Variants in SLC10A7 observed in about 807,000 individuals in gnomAD.
The protein encoded by SLC10A7 is sodium/bile acid cotransporter 7.
Under a neutral mutation model 43.2 loss-of-function variants are expected in SLC10A7, and 29 were observed. The observed-to-expected ratio is 0.67, with a 90% CI of 0.50 to 0.92. The LOEUF is 0.92. Among genes scored for constraint, SLC10A7 ranks in the 40% least tolerant of loss-of-function variants. The probability of loss-of-function intolerance (pLI) is 0.00; values close to 1 mark genes in which losing one functional copy is unlikely to be tolerated. For missense variants in SLC10A7, 295 were observed against 403.2 expected (o/e 0.73, Z 2.30); for synonymous variants, 152 against 144.8 (o/e 1.05, Z -0.35).
intron 10 of SLC10A7, among the ~76,000 whole-genome samples, chr4:146,270,276 T>C (rs1381893089): frequency 6.6e-6 from 1 of 152,234 alleles, no homozygotes; most frequent in Non-Finnish European, 1.5e-5. Flanking sequence ...AAGTCACTTC[T>C]GAAAATAATT....
intron 5 of SLC10A7, among the ~76,000 whole-genome samples, chr4:146,348,384 C>T (rs1734776187): frequency 6.6e-6 from 1 of 152,158 alleles, no homozygotes; most frequent in Admixed American, 6.5e-5. Context: ...TTTAGTTTTA[C>T]ACATTGCTAC....
intron 5 of SLC10A7, among the ~76,000 whole-genome samples, chr4:146,376,163 A>G (rs1487070093): frequency 1.3e-5 from 2 of 152,116 alleles, no homozygotes; most frequent in Non-Finnish European, 2.9e-5. Context: ...AGAAACCTCC[A>G]CATATTCAGC....
At chr4:146,463,419 G>T (rs771259625) in intron 4 of SLC10A7, among the ~76,000 whole-genome samples, 1 of 152,018 alleles carries the variant, frequency 6.6e-6, no homozygotes, top group African/African-American at 2.4e-5. Context: ...ATGTCCATAC[G>T]TGCCCCTTGA....
At chr4:146,404,515 T>C (rs1420630680) in intron 5 of SLC10A7, among the ~76,000 whole-genome samples, 1 of 145,488 alleles carries the variant, frequency 6.9e-6, no homozygotes. Flanking sequence ...TGTGTGTGTG[T>C]GACTGGTTTA....
At chr4:146,287,180 C>CTGGAGTGGTGAGAAGGACTGTGTG (rs1306292371) in intron 9 of SLC10A7, among the ~76,000 whole-genome samples, 1 of 146,168 alleles carries the variant, frequency 6.8e-6, no homozygotes, top group East Asian at 2.1e-4. Context: ...AGGACTGTGT[C>CTGGAGTGGTGAGAAGGACTGTGTG]TGGAGTGGTG....
intron 5 of SLC10A7, among the ~76,000 whole-genome samples, chr4:146,384,603 G>T (rs946380820): frequency 3.3e-5 from 5 of 151,996 alleles, no homozygotes; most frequent in Admixed American, 2.6e-4. Context: ...AGCACACTAT[G>T]TATATATAGG....
intron 4 of SLC10A7, among the ~76,000 whole-genome samples, chr4:146,459,723 A>T (rs1401297194): frequency 1.3e-5 from 2 of 151,852 alleles, no homozygotes; most frequent in Admixed American, 1.3e-4. Flanking sequence ...AAACTTTCAG[A>T]ACACTTAAAG....
intron 9 of SLC10A7, among the ~76,000 whole-genome samples, chr4:146,286,770 C>G (rs1226970300): frequency 2.5e-5 from 3 of 121,458 alleles, no homozygotes; most frequent in Non-Finnish European, 5.1e-5. Flanking sequence ...GTGAGAAGGA[C>G]TGTGTTTGGA....
Position 146,449,686 on chromosome 4 carries a change from C to CA in SLC10A7, c.397-6866dup, listed in dbSNP as rs1560919522. On this transcript the variant is annotated intron_variant, in intron 4 of 11. Transcript: ENST00000335472. Reference sequence around the variant, plus strand: ...CACAAACCACCACCACCACCACCACCACAACAACAACAACAAAAACAGTGA... The same window carrying CA: ...CACAAACCACCACCACCACCACCACCAACAACAACAACAACAAAAACAGTGA... 1.4e-3 allele frequency among the ~76,000 whole-genome samples: 218 copies of CA among 150,650 alleles called. 3 individuals carry two copies. The highest frequency in any genetic ancestry group is 0.011 in the Admixed American group (172 of 15,112).
intron 6 of SLC10A7, among the ~76,000 whole-genome samples, chr4:146,323,655 G>T (rs540051235): frequency 6.6e-6 from 1 of 152,100 alleles, no homozygotes; most frequent in Non-Finnish European, 1.5e-5. Context: ...GTCAGGTAGC[G>T]TGATGCCTCC....
chr4:146,258,147 A>T (rs1374619899), intron 11 of SLC10A7, among the ~76,000 whole-genome samples: 1 of 152,264 alleles, frequency 6.6e-6, no homozygotes, highest in Non-Finnish European at 1.5e-5. Flanking sequence ...AATGTGTACA[A>T]GATTCTAAGT....
chr4:146,453,576 T>C lies in SLC10A7; in HGVS notation c.397-10755A>G, dbSNP rs1731785452. 4.6e-5 allele frequency among the ~76,000 whole-genome samples: 7 copies of C among 151,996 alleles called. No individual in the cohort carries two copies. The South Asian group carries it at 1.4e-3, about 31-fold the overall frequency. On this transcript the variant is annotated intron_variant, in intron 4 of 11. Coordinates refer to ENST00000335472, the MANE Select transcript of SLC10A7 (RefSeq NM_001029998.6). Reference sequence around the variant, plus strand: ...CTTTCACAAGCTGTATTTTTACATATTGTTCCAACTACAGCTCTCAGTCAT... The same window carrying C: ...CTTTCACAAGCTGTATTTTTACATACTGTTCCAACTACAGCTCTCAGTCAT...
intron 4 of SLC10A7, among the ~76,000 whole-genome samples, chr4:146,476,072 T>C (rs1219915091): frequency 6.6e-6 from 1 of 151,880 alleles, no homozygotes. Flanking sequence ...GGAGATAGGA[T>C]GAAGAAACAG....
intron 5 of SLC10A7, among the ~76,000 whole-genome samples, chr4:146,329,685 A>T (rs1258331384): frequency 2.6e-5 from 4 of 152,206 alleles, no homozygotes; most frequent in Non-Finnish European, 5.9e-5. Flanking sequence ...TCTTTTTGAT[A>T]ACATAAAACA....
intron 5 of SLC10A7, among the ~76,000 whole-genome samples, chr4:146,438,636 G>A (rs1730379818): frequency 6.6e-6 from 1 of 151,930 alleles, no homozygotes; most frequent in South Asian, 2.1e-4. Flanking sequence ...AATAGGCTGA[G>A]GAGTCTAAAA....
At chr4:146,446,754 AT>A (rs1159945048) in intron 4 of SLC10A7, among the ~76,000 whole-genome samples, 1 of 150,680 alleles carries the variant, frequency 6.6e-6, no homozygotes, top group Non-Finnish European at 1.5e-5. Flanking sequence ...CTATCTATCT[AT>A]CTATCTATCT....
intron 6 of SLC10A7, among the ~76,000 whole-genome samples, chr4:146,317,695 T>C (rs1281292276): frequency 6.6e-6 from 1 of 151,914 alleles, no homozygotes; most frequent in Non-Finnish European, 1.5e-5. Context: ...GTGAATTTAC[T>C]CCTGTCTTGA....
At chr4:146,472,254 T>C (rs2149966156) in intron 4 of SLC10A7, among the ~76,000 whole-genome samples, 1 of 152,232 alleles carries the variant, frequency 6.6e-6, no homozygotes, top group East Asian at 1.9e-4. Flanking sequence ...AGAAAAACAC[T>C]TCCATGTACG....
intron 4 of SLC10A7, among the ~76,000 whole-genome samples, chr4:146,452,904 T>C (rs1189255218): frequency 6.6e-6 from 1 of 152,018 alleles, no homozygotes; most frequent in East Asian, 1.9e-4. Flanking sequence ...GACTTAATAC[T>C]GCTGCAAAGC....
Sources: allele counts gnomAD v4.1 joint callset (sites outside exome capture counted in the v4.1 genomes callset), GRCh38; gene constraint gnomAD v4.1.1; transcripts MANE v1.5; gene names NCBI Gene and HGNC (gene_info 2026-07-23, HGNC 2026-07-21).